The following ROR2 variants were observed in gnomAD, a reference collection of about 807,000 sequenced individuals.
ROR2 encodes the protein ROR family WNT receptor 2.
Under a neutral mutation model 74.9 loss-of-function variants are expected in ROR2, and 33 were observed. The ratio of observed to expected loss-of-function variants is 0.44; its 90% CI spans 0.33 to 0.59. The LOEUF is 0.59. Among genes scored for constraint, ROR2 ranks in the 20% least tolerant of loss-of-function variants. The pLI, the probability that ROR2 is intolerant of heterozygous loss-of-function variation, is 0.02. For missense variants in ROR2, 1,216 were observed against 1,313.8 expected (o/e 0.93, Z 1.15); for synonymous variants, 586 against 558.7 (o/e 1.05, Z -0.69).
At position 91,737,237 on chromosome 9, in the gene ROR2, C is replaced by A. The variant is rs10992073; in HGVS notation, c.622+154G>T. Among the ~76,000 whole-genome samples, 17,202 of 152,264 alleles carry A rather than the reference C, an allele frequency of 0.11. 1,066 individuals are homozygous for A. The highest frequency in any genetic ancestry group is 0.16 in the Middle Eastern group (48 of 292). ...CAAATCATGTTAGCAATTGCCACTA[C>A]TTCTAAAAAAGATCTCTGGTTTCTA... On this transcript the variant is annotated intron_variant, in intron 5 of 8. Coordinates refer to ENST00000375708, the MANE Select transcript of ROR2 (RefSeq NM_004560.4).
intron 3 of ROR2, among the ~76,000 whole-genome samples, chr9:91,756,737 T>C (rs1354341747): frequency 1.4e-5 from 2 of 141,356 alleles, no homozygotes; most frequent in East Asian, 4.1e-4. Flanking sequence ...ATTTTCTTTT[T>C]GTTCTCTTTT....
intron 1 of ROR2, among the ~76,000 whole-genome samples, chr9:91,790,799 T>C (rs946232746): frequency 4.6e-5 from 7 of 152,170 alleles, no homozygotes; most frequent in Non-Finnish European, 8.8e-5. Flanking sequence ...GTGATATGGA[T>C]GGTATGGACC....
intron 1 of ROR2, among the ~76,000 whole-genome samples, chr9:91,942,495 T>A (rs1388447754): frequency 1.3e-5 from 2 of 152,214 alleles, no homozygotes; most frequent in African/African-American, 2.4e-5. Context: ...CAGTTATTGC[T>A]GTAAAATGTG....
At chr9:91,799,313 C>CA (rs1827298354) in intron 1 of ROR2, among the ~76,000 whole-genome samples, 1 of 152,198 alleles carries the variant, frequency 6.6e-6, no homozygotes, top group Admixed American at 6.5e-5. Flanking sequence ...TCCAGGGACG[C>CA]TGCTCACTCC....
chr9:91,949,943 G>T lies in ROR2; in HGVS notation c.21C>A (p.Leu7=). 6.6e-7 allele frequency: 1 copy of T among 1,511,690 alleles called. No individual in the cohort carries two copies. Among genetic ancestry groups the T allele is most frequent in the South Asian group, 1.2e-5 (1 of 81,270 alleles). The allele number at this position is 1,511,690 out of a possible 1,614,324, so 93.6% of individuals were successfully genotyped here. ...GGATGCACAGCAGCGGCCGCCGCGGGAGCGCCGAGCCCCGGGCCATGCCGC... is the reference window on the plus strand; with the variant it reads ...GGATGCACAGCAGCGGCCGCCGCGGTAGCGCCGAGCCCCGGGCCATGCCGC... MARGSA[L]PRRPLLCIPA... Residue 7 remains leucine, a synonymous_variant, in exon 1 of 9, where the codon CTC becomes CTA. Coordinates refer to ENST00000375708, the MANE Select transcript of ROR2 (RefSeq NM_004560.4).
chr9:91,829,566 A>AAAAAAAAAAAAAAAAAC (rs1828397457), intron 1 of ROR2, among the ~76,000 whole-genome samples: 1 of 150,838 alleles, frequency 6.6e-6, no homozygotes, highest in Non-Finnish European at 1.5e-5. Context: ...AAAAAAAAAA[A>AAAAAAAAAAAAAAAAAC]AAAAAAAGCA....
Position 91,724,752 on chromosome 9 carries a change from C to A in ROR2, c.1742G>T (p.Arg581Leu), listed in dbSNP as rs151303242. The A allele has an allele frequency of 1.2e-6, 2 of 1,613,948 alleles. No individual in the cohort carries two copies. Among genetic ancestry groups the A allele is most frequent in the African/African-American group, 1.3e-5 (1 of 75,052 alleles). ...GGGCTCCAGGGCGGACTTCACCGTGCGGTCATCATCGGTGCTGCCCACGTC... is the reference window on the plus strand; with the variant it reads ...GGGCTCCAGGGCGGACTTCACCGTGAGGTCATCATCGGTGCTGCCCACGTC... ...HSDVGSTDDD[R>L]TVKSALEPPD... Residue 581 changes from arginine (R) to leucine (L), a missense_variant, in exon 9 of 9, where the codon CGC (arginine) becomes CTC (leucine). By Grantham distance (102) the Arg-to-Leu change is moderately radical. Coordinates refer to ENST00000375708, the MANE Select transcript of ROR2 (RefSeq NM_004560.4).
intron 4 of ROR2, among the ~76,000 whole-genome samples, chr9:91,755,326 T>A (rs548245079): frequency 5.3e-5 from 8 of 152,348 alleles, no homozygotes; most frequent in African/African-American, 1.9e-4. Flanking sequence ...ACCAACCATA[T>A]AGTGTTCATG....
At chr9:91,799,014 G>A (rs1290096301) in intron 1 of ROR2, among the ~76,000 whole-genome samples, 2 of 152,122 alleles carry the variant, frequency 1.3e-5, no homozygotes, top group African/African-American at 4.8e-5. Context: ...ACACCAAGCT[G>A]AAGAGAGATC....
chr9:91,791,213 T>C (rs999545683), intron 1 of ROR2, among the ~76,000 whole-genome samples: 4 of 152,200 alleles, frequency 2.6e-5, no homozygotes, highest in African/African-American at 9.7e-5. Context: ...AAATCTTTTA[T>C]ACTATATTTT....
intron 4 of ROR2, among the ~76,000 whole-genome samples, chr9:91,738,766 A>G (rs1186922711): frequency 6.6e-6 from 1 of 152,226 alleles, no homozygotes; most frequent in Non-Finnish European, 1.5e-5. Context: ...ACTGCATGTC[A>G]CAGGCGTAGG....
At chr9:91,744,423 A>G (rs79209566) in intron 4 of ROR2, among the ~76,000 whole-genome samples, 5,581 of 151,678 alleles carry the variant, frequency 0.037, 307 homozygotes, top group East Asian at 0.2. Context: ...GAGTTTCATC[A>G]TATGTTGGCC....
At chr9:91,735,909 C>T (rs1351986944) in intron 5 of ROR2, among the ~76,000 whole-genome samples, 1 of 152,066 alleles carries the variant, frequency 6.6e-6, no homozygotes, top group East Asian at 1.9e-4. Flanking sequence ...AGCCACCGTG[C>T]CCGGCCACTT....
At chr9:91,746,614 T>G (rs944062377) in intron 4 of ROR2, among the ~76,000 whole-genome samples, 33 of 152,110 alleles carry the variant, frequency 2.2e-4, no homozygotes, top group African/African-American at 8.0e-4. Flanking sequence ...ATCATCCACC[T>G]GGAGAGGCTC....
At chr9:91,936,222 G>T (rs1203740023) in intron 1 of ROR2, among the ~76,000 whole-genome samples, 2 of 152,202 alleles carry the variant, frequency 1.3e-5, no homozygotes, top group Admixed American at 6.5e-5. Context: ...GGGTGGATGC[G>T]TGTGTTAGCC....
At chr9:91,940,763 G>A (rs1043258835) in intron 1 of ROR2, among the ~76,000 whole-genome samples, 6 of 149,004 alleles carry the variant, frequency 4.0e-5, no homozygotes, top group East Asian at 2.1e-4. Flanking sequence ...CCCCACCCCC[G>A]GCTAATTTTT....
intron 2 of ROR2, among the ~76,000 whole-genome samples, chr9:91,764,821 T>A (rs1369596199): frequency 6.6e-6 from 1 of 152,210 alleles, no homozygotes; most frequent in Admixed American, 6.5e-5. Context: ...AAAACATCCA[T>A]GACTTTCACA....
chr9:91,898,664 C>A (rs1384449456), intron 1 of ROR2, among the ~76,000 whole-genome samples: 1 of 152,204 alleles, frequency 6.6e-6, no homozygotes, highest in Non-Finnish European at 1.5e-5. Flanking sequence ...AGGGCATCTG[C>A]CCAGAGATGC....
intron 2 of ROR2, among the ~76,000 whole-genome samples, chr9:91,759,770 A>G (rs1444028892): frequency 6.6e-6 from 1 of 152,194 alleles, no homozygotes; most frequent in Non-Finnish European, 1.5e-5. Flanking sequence ...AGTGGCATAT[A>G]AAGGCCTGCC....
Sources: gnomAD v4.1 joint callset for allele counts (sites outside exome capture counted in the v4.1 genomes callset) on GRCh38, gnomAD v4.1.1 for gene constraint, MANE v1.5 for transcripts, NCBI Gene and HGNC (gene_info 2026-07-23, HGNC 2026-07-21) for gene names.